Variants in THSD7A observed in about 807,000 individuals in gnomAD.
The protein encoded by THSD7A is thrombospondin type 1 domain containing 7A.
THSD7A carries 96 observed loss-of-function variants against 231.3 expected under a neutral mutation model. The ratio of observed to expected loss-of-function variants is 0.41; its 90% CI spans 0.35 to 0.49. The LOEUF is 0.49. Among genes scored for constraint, THSD7A ranks in the 20% least tolerant of loss-of-function variants. The pLI is 0.05. For synonymous variants in THSD7A, 940 were observed against 743.3 expected (o/e 1.26, Z -4.30); for missense variants, 2,290 against 2,070.2 (o/e 1.11, Z -2.06).
At chr7:11,428,322 C>T (rs763919883) in intron 14 of THSD7A, among the ~76,000 whole-genome samples, 13 of 152,014 alleles carry the variant, frequency 8.6e-5, no homozygotes, top group Non-Finnish European at 1.8e-4. Flanking sequence ...TAGGCTTTTT[C>T]TTTTTATCTC....
rs1562429234 is a variant in THSD7A, at chr7:11,637,097, C to T, written c.191-136G>A. On this transcript the variant is annotated intron_variant, in intron 1 of 27. Coordinates refer to ENST00000423059, the MANE Select transcript of THSD7A (RefSeq NM_015204.3). The surrounding 1 kb of genome is among the most constrained non-coding windows in gnomAD (Gnocchi z 4.2). ...TTACAAAGTAGGTCTCTGGACACGA[C>T]TGTTGGAAAGTAATGATCCTCGCTA... The T allele has an allele frequency of 2.5e-6, 2 of 786,130 alleles. No individual in the cohort carries two copies. The highest frequency in any genetic ancestry group is 2.9e-5 in the Admixed American group (1 of 34,570). 48.7% of individuals were successfully genotyped at this position (786,130 alleles called of 1,614,324 possible).
chr7:11,801,921 T>C (rs1426572663), intron 1 of THSD7A, among the ~76,000 whole-genome samples: 1 of 152,210 alleles, frequency 6.6e-6, no homozygotes, highest in Non-Finnish European at 1.5e-5. Context: ...TTAAATCAGT[T>C]GACATAAATT....
At chr7:11,414,083 C>A (rs1447873059) in intron 17 of THSD7A, 2 of 152,236 alleles carry the variant, frequency 1.3e-5, no homozygotes, top group Non-Finnish European at 2.9e-5. Flanking sequence ...TACTGCAATA[C>A]CCTGGTCTTT....
chr7:11,595,904 G>C (rs1160565117), intron 2 of THSD7A, among the ~76,000 whole-genome samples: 1 of 152,218 alleles, frequency 6.6e-6, no homozygotes, highest in Admixed American at 6.5e-5. Context: ...AATCAGAATA[G>C]TCTGACTCAT....
At chr7:11,530,973 T>G (rs1349399890) in intron 6 of THSD7A, among the ~76,000 whole-genome samples, 1 of 152,148 alleles carries the variant, frequency 6.6e-6, no homozygotes, top group Non-Finnish European at 1.5e-5. Context: ...ATCGTGCCAC[T>G]GCACTCCAGC....
At chr7:11,584,062 T>C (rs568995459) in intron 4 of THSD7A, among the ~76,000 whole-genome samples, 1 of 152,326 alleles carries the variant, frequency 6.6e-6, no homozygotes, top group African/African-American at 2.4e-5. Flanking sequence ...TCTCTTTCTC[T>C]GGCTAAAGTT....
chr7:11,420,404 T>C (rs1784104605), intron 16 of THSD7A, among the ~76,000 whole-genome samples: 1 of 152,222 alleles, frequency 6.6e-6, no homozygotes, highest in African/African-American at 2.4e-5. Context: ...GCTCAGGCTA[T>C]TGCATTAGAG....
intron 7 of THSD7A, among the ~76,000 whole-genome samples, chr7:11,476,381 G>T (rs1449381214): frequency 6.8e-6 from 1 of 147,540 alleles, no homozygotes; most frequent in East Asian, 2.0e-4. Flanking sequence ...TAAGTGTAAA[G>T]AACTAATTTT....
chr7:11,413,636 C>A (rs1316147365), intron 17 of THSD7A, among the ~76,000 whole-genome samples: 1 of 152,140 alleles, frequency 6.6e-6, no homozygotes, highest in African/African-American at 2.4e-5. Context: ...AGGCTTTTCC[C>A]CAAACCCAAG....
intron 6 of THSD7A, among the ~76,000 whole-genome samples, chr7:11,503,422 T>C (rs1279950574): frequency 6.6e-6 from 1 of 151,768 alleles, no homozygotes; most frequent in Admixed American, 6.6e-5. Context: ...ATGACAATGA[T>C]GTCAATTTTC....
At chr7:11,688,257 T>C (rs1285091706) in intron 1 of THSD7A, among the ~76,000 whole-genome samples, 1 of 151,822 alleles carries the variant, frequency 6.6e-6, no homozygotes, top group East Asian at 2.0e-4. Flanking sequence ...TATGGCTGCA[T>C]AGTATTCCAT....
chr7:11,650,762 T>C (rs1428639487), intron 1 of THSD7A, among the ~76,000 whole-genome samples: 1 of 152,060 alleles, frequency 6.6e-6, no homozygotes, highest in African/African-American at 2.4e-5. Flanking sequence ...GGATGCAAAA[T>C]AGCACAGAAG....
Position 11,634,872 on chromosome 7 carries a change from T to C in THSD7A, c.1022+1258A>G, listed in dbSNP as rs17164952. Among the ~76,000 whole-genome samples, 7,346 of 152,112 alleles carry C rather than the reference T, an allele frequency of 0.048. 567 individuals carry two copies. The highest frequency in any genetic ancestry group is 0.16 in the African/African-American group (6,726 of 41,448). On this transcript the variant is annotated intron_variant, in intron 2 of 27. Transcript: ENST00000423059. The surrounding 1 kb of genome is among the most constrained non-coding windows in gnomAD (Gnocchi z 4.1). ...TTTTTGTTTATCTAATTAAACTATA[T>C]CCTTTTCCAAAAACACTTTAAACCA...
At chr7:11,587,555 T>A (rs1779962149) in intron 4 of THSD7A, among the ~76,000 whole-genome samples, 1 of 152,202 alleles carries the variant, frequency 6.6e-6, no homozygotes, top group African/African-American at 2.4e-5. Context: ...TATGTTCTGA[T>A]GATATAATTC....
intron 2 of THSD7A, among the ~76,000 whole-genome samples, chr7:11,614,416 G>A (rs980045461): frequency 1.3e-5 from 2 of 152,170 alleles, no homozygotes; most frequent in Admixed American, 1.3e-4. Flanking sequence ...TTACTTATTT[G>A]GATGTGGTGA....
chr7:11,668,311 G>T (rs979946555), intron 1 of THSD7A, among the ~76,000 whole-genome samples: 1 of 151,912 alleles, frequency 6.6e-6, no homozygotes, highest in Non-Finnish European at 1.5e-5. Context: ...CCAGCTTCTC[G>T]GGAGACTGAG....
intron 1 of THSD7A, among the ~76,000 whole-genome samples, chr7:11,669,466 T>C (rs949995629): frequency 9.5e-4 from 144 of 152,138 alleles, no homozygotes; most frequent in African/African-American, 3.3e-3. Context: ...CCAGATACTC[T>C]GCAGGGTGAA....
chr7:11,414,677 A>T (rs1783900075), intron 17 of THSD7A, among the ~76,000 whole-genome samples: 1 of 152,222 alleles, frequency 6.6e-6, no homozygotes. Context: ...GTCTTCTGAA[A>T]ACAGTTGGTT....
At chr7:11,754,142 A>T (rs1189408204) in intron 1 of THSD7A, among the ~76,000 whole-genome samples, 2 of 152,212 alleles carry the variant, frequency 1.3e-5, no homozygotes, top group South Asian at 4.1e-4. Flanking sequence ...TACTAGAAAA[A>T]TATTTTAAAT....
Sources: gnomAD v4.1 joint callset for allele counts (sites outside exome capture counted in the v4.1 genomes callset) on GRCh38, gnomAD v4.1.1 for gene constraint, Gnocchi (gnomAD v3.1) non-coding constraint, MANE v1.5 for transcripts, NCBI Gene and HGNC (gene_info 2026-07-23, HGNC 2026-07-21) for gene names.